LUZP2: variants seen among roughly 807,000 people sequenced by gnomAD.
The protein encoded by LUZP2 is leucine zipper protein 2.
LUZP2 carries 52 observed loss-of-function variants against 51.6 expected under a neutral mutation model. That is an observed-to-expected ratio of 1.01 (90% CI 0.81 to 1.27). The LOEUF (loss-of-function observed/expected upper bound fraction) is 1.27. Ranked by LOEUF, LUZP2 falls within the 50% of genes most tolerant of loss-of-function variation. LUZP2 has a pLI of 0.00. For synonymous variants in LUZP2, 154 were observed against 137.3 expected, an observed-to-expected ratio of 1.12 and a Z score of -0.85; for missense variants, 436 against 395.4, an observed-to-expected ratio of 1.10 and a Z score of -0.87.
intron 9 of LUZP2, among the ~76,000 whole-genome samples, chr11:25,021,715 T>C (rs998526279): frequency 2.0e-5 from 3 of 152,038 alleles, no homozygotes; most frequent in African/African-American, 7.2e-5. Flanking sequence ...AAGAGTATCA[T>C]GATCAGCTTT....
intron 1 of LUZP2, among the ~76,000 whole-genome samples, chr11:24,519,148 C>T (rs999497832): frequency 1.3e-4 from 20 of 152,166 alleles, no homozygotes; most frequent in African/African-American, 4.3e-4. Flanking sequence ...GGCTCTTTCA[C>T]GTTTACAGTT....
intron 7 of LUZP2, among the ~76,000 whole-genome samples, chr11:24,915,278 C>A (rs548759556): frequency 6.6e-6 from 1 of 152,120 alleles, no homozygotes; most frequent in East Asian, 1.9e-4. Flanking sequence ...GTCAACAAAC[C>A]TCAGGTTTGT....
At chr11:24,530,412 CAT>C (rs755407153) in intron 1 of LUZP2, among the ~76,000 whole-genome samples, 9 of 150,716 alleles carry the variant, frequency 6.0e-5, no homozygotes, top group Admixed American at 2.0e-4. Flanking sequence ...TACCCACACA[CAT>C]ATATATGTGT....
Position 24,849,208 on chromosome 11 carries a change from A to G in LUZP2, c.397-56783A>G, listed in dbSNP as rs577570196. On this transcript the variant is annotated intron_variant, in intron 5 of 11. Transcript: ENST00000336930. ...AGCTTTGTTACATAGGTATACACCT[A>G]CCATGGTGGTTTGCTGCACCCATCA... 1.3e-3 allele frequency among the ~76,000 whole-genome samples: 202 copies of G among 152,226 alleles called. 1 individual carries two copies. Among genetic ancestry groups the G allele is most frequent in the African/African-American group, 4.7e-3 (197 of 41,546 alleles).
intron 5 of LUZP2, among the ~76,000 whole-genome samples, chr11:24,769,339 T>C (rs1341466431): frequency 6.6e-6 from 1 of 152,162 alleles, no homozygotes; most frequent in African/African-American, 2.4e-5. Context: ...ATCACTGTAG[T>C]CACCAACAGT....
intron 1 of LUZP2, among the ~76,000 whole-genome samples, chr11:24,620,841 G>C (rs1854470373): frequency 6.6e-6 from 1 of 152,150 alleles, no homozygotes; most frequent in Admixed American, 6.5e-5. Flanking sequence ...TGATTTACCA[G>C]TCATTTCACA....
At chr11:24,718,486 C>T (rs567366185) in intron 1 of LUZP2, among the ~76,000 whole-genome samples, 1 of 152,254 alleles carries the variant, frequency 6.6e-6, no homozygotes, top group East Asian at 1.9e-4. Flanking sequence ...AGGATGTCAT[C>T]CATGAATCTT....
At chr11:24,907,665 G>T (rs1853500241) in intron 6 of LUZP2, among the ~76,000 whole-genome samples, 1 of 152,136 alleles carries the variant, frequency 6.6e-6, no homozygotes, top group South Asian at 2.1e-4. Context: ...GTTATATTCT[G>T]ATATGATTTA....
intron 5 of LUZP2, among the ~76,000 whole-genome samples, chr11:24,819,616 C>T (rs963162301): frequency 6.6e-6 from 1 of 152,026 alleles, no homozygotes; most frequent in South Asian, 2.1e-4. Flanking sequence ...TTAGTTTTCA[C>T]GTTTTATATT....
chr11:24,968,807 C>T (rs1249781147), intron 7 of LUZP2, among the ~76,000 whole-genome samples: 1 of 152,210 alleles, frequency 6.6e-6, no homozygotes, highest in Non-Finnish European at 1.5e-5. Context: ...TGGGCCATTG[C>T]TCTTCGCACC....
chr11:24,827,592 A>G (rs918377435), intron 5 of LUZP2, among the ~76,000 whole-genome samples: 40 of 152,120 alleles, frequency 2.6e-4, no homozygotes, highest in Non-Finnish European at 4.6e-4. Flanking sequence ...GAAAAGAATT[A>G]TAGCAGGACA....
intron 4 of LUZP2, among the ~76,000 whole-genome samples, chr11:24,744,187 C>G (rs1005993728): frequency 4.0e-5 from 6 of 151,894 alleles, no homozygotes; most frequent in Admixed American, 3.9e-4. Flanking sequence ...TTGGCTATGT[C>G]CCTTCCTGGT....
chr11:24,647,538 TTGA>T (rs577163340), intron 1 of LUZP2, among the ~76,000 whole-genome samples: 304 of 152,090 alleles, frequency 2.0e-3, no homozygotes, highest in African/African-American at 6.6e-3. Flanking sequence ...TCTGTTCAAC[TTGA>T]TGAAATAAAG....
At chr11:24,740,335 A>G (rs971267747) in intron 4 of LUZP2, among the ~76,000 whole-genome samples, 12 of 152,164 alleles carry the variant, frequency 7.9e-5, no homozygotes, top group African/African-American at 2.9e-4. Flanking sequence ...AAGTTAGAAT[A>G]TCCAAGTATG....
At chr11:24,863,477 C>G (rs1851798897) in intron 5 of LUZP2, among the ~76,000 whole-genome samples, 1 of 151,924 alleles carries the variant, frequency 6.6e-6, no homozygotes, top group Non-Finnish European at 1.5e-5. Context: ...TTACTCCATT[C>G]ATGTGAAATC....
At chr11:24,636,697 A>G (rs1443891045) in intron 1 of LUZP2, among the ~76,000 whole-genome samples, 2 of 152,224 alleles carry the variant, frequency 1.3e-5, no homozygotes, top group Non-Finnish European at 2.9e-5. Context: ...CTTGCCTGGC[A>G]TACTTTGAAA....
intron 7 of LUZP2, among the ~76,000 whole-genome samples, chr11:24,969,103 A>C (rs1855673162): frequency 6.6e-6 from 1 of 152,066 alleles, no homozygotes; most frequent in African/African-American, 2.4e-5. Flanking sequence ...TTTCTCACCC[A>C]GGTTTTAATC....
At chr11:24,514,985 G>C (rs1564962829) in intron 1 of LUZP2, among the ~76,000 whole-genome samples, 2 of 152,148 alleles carry the variant, frequency 1.3e-5, no homozygotes, top group Admixed American at 1.3e-4. Context: ...AGACCAAAGG[G>C]TGTGGTGAAC....
chr11:24,792,836 G>A (rs1171836791), intron 5 of LUZP2, among the ~76,000 whole-genome samples: 1 of 152,094 alleles, frequency 6.6e-6, no homozygotes, highest in African/African-American at 2.4e-5. Flanking sequence ...GTCAGGATTG[G>A]GATTTGTTCC....
Sources: gnomAD v4.1 joint callset for allele counts (sites outside exome capture counted in the v4.1 genomes callset) on GRCh38, gnomAD v4.1.1 for gene constraint, MANE v1.5 for transcripts, NCBI Gene and HGNC (gene_info 2026-07-23, HGNC 2026-07-21) for gene names.